The following RELN variants were observed in gnomAD, a reference collection of about 807,000 sequenced individuals.
The protein encoded by RELN is reelin.
Under a neutral mutation model 427.6 loss-of-function variants are expected in RELN, and 108 were observed. That is an observed-to-expected ratio of 0.25 (90% CI 0.22 to 0.30). The LOEUF (loss-of-function observed/expected upper bound fraction) is 0.30, where lower values mean the gene tolerates loss of function less well. RELN is among the 10% of genes least tolerant of loss of function. The pLI is 1.00. For synonymous variants in RELN, 1,524 were observed against 1,513.4 expected (o/e 1.01, Z -0.16); for missense variants, 3,715 against 4,302.8 (o/e 0.86, Z 3.82).
In RELN at chr7:103,936,099, C is replaced by CTT. The variant is rs57827486; in HGVS notation, c.227-18916_227-18915dup. Among the ~76,000 whole-genome samples the CTT allele has an allele frequency of 1.4e-4, 20 of 143,056 alleles. 2 individuals are homozygous for CTT. Among genetic ancestry groups the CTT allele is most frequent in the Admixed American group, 2.1e-4 (3 of 14,300 alleles). 93.9% of individuals were successfully genotyped at this position (143,056 alleles called of 152,430 possible). ...CATCTTGCATGAATTGCTTCAATGG[C>CTT]TTTTTTTTTTTGAGACAGAGTCTCA... On this transcript the variant is annotated intron_variant, in intron 1 of 64. Transcript: ENST00000428762.
intron 4 of RELN, among the ~76,000 whole-genome samples, chr7:103,762,696 C>A (rs1038330979): frequency 1.3e-5 from 2 of 152,214 alleles, no homozygotes; most frequent in Admixed American, 1.3e-4. Flanking sequence ...AAATTCTAAT[C>A]ATCTCCTCTG....
intron 1 of RELN, among the ~76,000 whole-genome samples, chr7:103,941,927 G>A (rs1796123182): frequency 6.6e-6 from 1 of 151,244 alleles, no homozygotes; most frequent in Admixed American, 6.6e-5. Flanking sequence ...ACATCATAAT[G>A]TCAAAATACT....
At chr7:103,742,647 A>G (rs1402188263) in intron 6 of RELN, among the ~76,000 whole-genome samples, 1 of 152,262 alleles carries the variant, frequency 6.6e-6, no homozygotes, top group East Asian at 1.9e-4. Flanking sequence ...AATGCGATCA[A>G]CTGGAAGAAA....
chr7:103,519,188 C>A (rs550131862), intron 49 of RELN, 135 bp downstream of exon 49: 4 of 702,668 alleles, frequency 5.7e-6, no homozygotes, highest in Non-Finnish European at 5.0e-6. Flanking sequence ...GCTCAGAAAC[C>A]CTTCTTCATT....
At chr7:103,871,900 G>A (rs1011455977) in intron 2 of RELN, among the ~76,000 whole-genome samples, 15 of 151,614 alleles carry the variant, frequency 9.9e-5, no homozygotes, top group Non-Finnish European at 1.9e-4. Flanking sequence ...AAATAGTAGA[G>A]TCTATATTAG....
chr7:103,783,440 G>A (rs983529104), intron 3 of RELN, among the ~76,000 whole-genome samples: 1 of 152,044 alleles, frequency 6.6e-6, no homozygotes, highest in Non-Finnish European at 1.5e-5. Flanking sequence ...TGCAAAATAA[G>A]CAAAGGATTC....
chr7:103,940,508 A>G (rs558460023), intron 1 of RELN, among the ~76,000 whole-genome samples: 2 of 152,302 alleles, frequency 1.3e-5, no homozygotes, highest in East Asian at 3.9e-4. Context: ...ATACTGTACT[A>G]TGGCATCAAC....
intron 57 of RELN, among the ~76,000 whole-genome samples, chr7:103,494,435 T>C (rs1017854976): frequency 2.0e-5 from 3 of 149,026 alleles, no homozygotes; most frequent in Non-Finnish European, 4.5e-5. Flanking sequence ...AGTGCAGTAG[T>C]GGGATCATAG....
intron 4 of RELN, among the ~76,000 whole-genome samples, chr7:103,770,039 A>G (rs1198546337): frequency 6.6e-6 from 1 of 151,786 alleles, no homozygotes; most frequent in Non-Finnish European, 1.5e-5. Flanking sequence ...CTTAAACCCT[A>G]CCCCAGTCAC....
At chr7:103,834,087 T>C (rs1793342083) in intron 2 of RELN, among the ~76,000 whole-genome samples, 1 of 152,086 alleles carries the variant, frequency 6.6e-6, no homozygotes, top group South Asian at 2.1e-4. Context: ...TAGGCTTGTG[T>C]TAGGTTATTT....
intron 36 of RELN, among the ~76,000 whole-genome samples, chr7:103,560,190 G>A (rs1021640740): frequency 8.5e-5 from 13 of 152,078 alleles, no homozygotes; most frequent in Non-Finnish European, 1.3e-4. Flanking sequence ...TGATCCATTT[G>A]TGCTAAATGT....
intron 4 of RELN, among the ~76,000 whole-genome samples, chr7:103,757,155 C>T (rs897901801): frequency 1.3e-5 from 2 of 152,120 alleles, no homozygotes; most frequent in African/African-American, 2.4e-5. Flanking sequence ...ATACTAGTGA[C>T]TATGAGTGAA....
chr7:103,761,736 G>A (rs879799089), intron 4 of RELN, among the ~76,000 whole-genome samples: 7 of 152,132 alleles, frequency 4.6e-5, no homozygotes, highest in African/African-American at 1.4e-4. Context: ...GATTACAGGC[G>A]TGAGCCACCA....
chr7:103,705,341 TACAAACAA>T (rs140538386), intron 8 of RELN, among the ~76,000 whole-genome samples: 2 of 151,978 alleles, frequency 1.3e-5, no homozygotes, highest in African/African-American at 4.8e-5. Context: ...CCACCCCAAA[TACAAACAA>T]ACAAACAAAA....
At chr7:103,553,989 C>A (rs1584290076) in intron 38 of RELN, among the ~76,000 whole-genome samples, 158 bp from the exon 39 acceptor site, 1 of 152,162 alleles carries the variant, frequency 6.6e-6, no homozygotes, top group East Asian at 1.9e-4. Context: ...AGTTCAAGAC[C>A]AGCCTGAGCA....
chr7:103,723,318 G>T, intron 7 of RELN, 127 bp from the exon 8 acceptor site: 1 of 680,018 alleles, frequency 1.5e-6, no homozygotes, highest in Middle Eastern at 2.7e-4. Flanking sequence ...AACAGAAGTT[G>T]CATTTATCCA....
chr7:103,700,868 T>A, intron 9 of RELN, 42 bp downstream of exon 9: 1 of 1,231,184 alleles, frequency 8.1e-7, no homozygotes, highest in Non-Finnish European at 1.2e-6. Context: ...TAGAACTCCA[T>A]CTATGTCAGA....
intron 3 of RELN, among the ~76,000 whole-genome samples, chr7:103,783,146 T>C (rs1421216045): frequency 3.5e-5 from 5 of 144,746 alleles, no homozygotes; most frequent in African/African-American, 5.1e-5. Flanking sequence ...ATTACAGTAC[T>C]TTCTTTTCTC....
At chr7:103,961,044 G>A (rs1198321157) in intron 1 of RELN, among the ~76,000 whole-genome samples, 4 of 152,202 alleles carry the variant, frequency 2.6e-5, no homozygotes, top group South Asian at 2.1e-4. Context: ...TACAGACTAC[G>A]TGTTTGGTCA....
Sources: allele counts gnomAD v4.1 joint callset (sites outside exome capture counted in the v4.1 genomes callset), GRCh38; gene constraint gnomAD v4.1.1; transcripts MANE v1.5; gene names NCBI Gene and HGNC (gene_info 2026-07-23, HGNC 2026-07-21).